EPHA4: variants seen among roughly 807,000 people sequenced by gnomAD.
EPHA4 encodes ephrin type-A receptor 4.
EPHA4 carries 19 observed loss-of-function variants against 108.3 expected under a neutral mutation model. That is an observed-to-expected ratio of 0.18 (90% confidence interval 0.12 to 0.26). The LOEUF (loss-of-function observed/expected upper bound fraction) is 0.26. Ranked by LOEUF, EPHA4 falls within the 10% of genes least tolerant of loss-of-function variation. The pLI, the probability that EPHA4 is intolerant of heterozygous loss-of-function variation, is 1.00. For synonymous variants in EPHA4, 449 were observed against 455.5 expected (o/e 0.99, Z 0.18); for missense variants, 917 against 1,254.0 (o/e 0.73, Z 4.06).
chr2:221,474,869 T>C (rs1486073708), intron 5 of EPHA4, among the ~76,000 whole-genome samples: 2 of 152,066 alleles, frequency 1.3e-5, no homozygotes, highest in East Asian at 1.9e-4. Flanking sequence ...GAGCAGAGCA[T>C]AGAATTATTA....
chr2:221,573,161 C>G (rs1462283916), upstream of EPHA4: 1 of 152,484 alleles, frequency 6.6e-6, no homozygotes, highest in South Asian at 2.1e-4. The surrounding 1 kb of genome is among the most constrained non-coding windows in gnomAD (Gnocchi z 4.5). Flanking sequence ...CCTAGCCCGT[C>G]TGGGAGCGGT....
At chr2:221,424,857 C>T (rs1168230582) in intron 17 of EPHA4, among the ~76,000 whole-genome samples, 1 of 152,102 alleles carries the variant, frequency 6.6e-6, no homozygotes, top group Non-Finnish European at 1.5e-5. Flanking sequence ...TGCCTGGTGC[C>T]CAGAAGATAA....
chr2:221,438,329 G>C (rs2106101078), intron 11 of EPHA4, among the ~76,000 whole-genome samples: 2 of 152,188 alleles, frequency 1.3e-5, no homozygotes, highest in Non-Finnish European at 2.9e-5. Flanking sequence ...TAGGCTCAAG[G>C]TCTGAAATTC....
intron 4 of EPHA4, 31 bp downstream of exon 4, chr2:221,500,986 C>T: frequency 6.5e-7 from 1 of 1,527,354 alleles, no homozygotes; most frequent in Admixed American, 2.0e-5. Context: ...CTGTTGGCAT[C>T]ACAGGAATGA....
chr2:221,487,368 C>G (rs192415054), intron 4 of EPHA4, among the ~76,000 whole-genome samples: 1 of 152,080 alleles, frequency 6.6e-6, no homozygotes, highest in Non-Finnish European at 1.5e-5. Context: ...GTGTAACCAG[C>G]GACGGCTGGG....
At chr2:221,520,051 C>T (rs928802609) in intron 3 of EPHA4, among the ~76,000 whole-genome samples, 1 of 151,958 alleles carries the variant, frequency 6.6e-6, no homozygotes, top group African/African-American at 2.4e-5. Context: ...TTTTAAACAC[C>T]CATTTTGTGT....
intron 3 of EPHA4, among the ~76,000 whole-genome samples, chr2:221,509,502 G>C (rs747457830): frequency 6.6e-6 from 1 of 152,196 alleles, no homozygotes; most frequent in East Asian, 1.9e-4. Flanking sequence ...ATTCAGAAAA[G>C]ATGTACTGAG....
At chr2:221,527,373 G>C (rs1395733465) in intron 3 of EPHA4, among the ~76,000 whole-genome samples, 2 of 152,164 alleles carry the variant, frequency 1.3e-5, no homozygotes, top group Admixed American at 1.3e-4. Context: ...GAGAGAAAAA[G>C]AGAAATAGAA....
chr2:221,490,912 T>C (rs1398793225), intron 4 of EPHA4, among the ~76,000 whole-genome samples: 1 of 152,192 alleles, frequency 6.6e-6, no homozygotes, highest in Non-Finnish European at 1.5e-5. Context: ...ATATGAACAG[T>C]GCATAACCTC....
At chr2:221,533,611 A>C (rs16862805) in intron 3 of EPHA4, among the ~76,000 whole-genome samples, 3,458 of 151,892 alleles carry the variant, frequency 0.023, 108 homozygotes, top group African/African-American at 0.071. Context: ...AACGAGTTCC[A>C]GTCTATGGAG....
intron 8 of EPHA4, among the ~76,000 whole-genome samples, chr2:221,453,525 C>T (rs1242576792): frequency 6.6e-6 from 1 of 151,928 alleles, no homozygotes; most frequent in Admixed American, 6.6e-5. Context: ...AAATCAAATA[C>T]CAGGGAAGGA....
chr2:221,525,676 T>G (rs912558946), intron 3 of EPHA4, among the ~76,000 whole-genome samples: 23 of 152,148 alleles, frequency 1.5e-4, no homozygotes, highest in African/African-American at 5.6e-4. Flanking sequence ...AATAAGAAAC[T>G]GCCCACAAAG....
chr2:221,540,727 A>G (rs1425487803), intron 3 of EPHA4, among the ~76,000 whole-genome samples: 1 of 152,156 alleles, frequency 6.6e-6, no homozygotes, highest in Non-Finnish European at 1.5e-5. Context: ...GATTCCCTCT[A>G]CTAAGGACTC....
chr2:221,446,301 G>A lies in EPHA4; in HGVS notation c.1716-120C>T, dbSNP rs1690592980. The A allele has an allele frequency of 8.7e-6, 4 of 457,492 alleles. No homozygotes were observed. The South Asian group carries it at 2.9e-4, about 33-fold the overall frequency. The allele number at this position is 457,492 out of a possible 1,614,324, so 28.3% of individuals were successfully genotyped here. A position where few individuals can be genotyped will look rare whatever the true frequency, so the allele number is the denominator to read the frequency against. The stretch of plus-strand genomic sequence containing the variant: ...GCAGGTATGCTATGTACATTTCAGA[G>A]ATGAGAAAACTGAGACTTACAAGAG... On this transcript the variant is annotated intron_variant, in intron 8 of 17. Coordinates refer to ENST00000281821, the MANE Select transcript of EPHA4 (RefSeq NM_004438.5).
intron 5 of EPHA4, among the ~76,000 whole-genome samples, chr2:221,478,198 G>C (rs769862004): frequency 7.3e-5 from 11 of 151,166 alleles, no homozygotes; most frequent in Non-Finnish European, 1.5e-4. Flanking sequence ...GCTACTGCTG[G>C]CTGCCATCAC....
intron 7 of EPHA4, among the ~76,000 whole-genome samples, chr2:221,456,409 G>A (rs1184915987): frequency 6.6e-6 from 1 of 152,156 alleles, no homozygotes; most frequent in Non-Finnish European, 1.5e-5. Flanking sequence ...AGACAAATCA[G>A]TATTTCGAAA....
chr2:221,551,690 G>C (rs1031669102), intron 3 of EPHA4, among the ~76,000 whole-genome samples: 1 of 152,104 alleles, frequency 6.6e-6, no homozygotes, highest in African/African-American at 2.4e-5. Context: ...GCTTATTTTA[G>C]TTAAGTACAC....
rs10717814 is a variant in EPHA4, at chr2:221,508,586, G to GAAAA, written c.824-7418_824-7415dup. Among the ~76,000 whole-genome samples the GAAAA allele has an allele frequency of 3.8e-5, 5 of 131,236 alleles. 1 individual carries two copies. In the South Asian group the frequency reaches 7.0e-4, roughly 18 times the overall value. The allele number at this position is 131,236 out of a possible 152,430, so 86.1% of individuals were successfully genotyped here. ...AGAGTGAGACTCTGTCTCAAAACAG[G>GAAAA]AAAAAAAAAAAAAAAGAGTAAGAAA... On this transcript the variant is annotated intron_variant, in intron 3 of 17. Transcript: ENST00000281821.
chr2:221,505,228 A>T (rs1439835477), intron 3 of EPHA4, among the ~76,000 whole-genome samples: 3 of 152,256 alleles, frequency 2.0e-5, no homozygotes, highest in African/African-American at 7.2e-5. Context: ...AAAGTAAAAC[A>T]TCACTAATAA....
Sources: allele counts gnomAD v4.1 joint callset (sites outside exome capture counted in the v4.1 genomes callset), GRCh38; gene constraint gnomAD v4.1.1; non-coding constraint Gnocchi (gnomAD v3.1); transcripts MANE v1.5; gene names NCBI Gene and HGNC (gene_info 2026-07-23, HGNC 2026-07-21).